The following NALCN variants were observed in gnomAD, a reference collection of about 807,000 sequenced individuals.
NALCN encodes sodium leak channel NALCN.
A neutral mutation model predicts 225.3 loss-of-function variants in NALCN; 111 were observed. That is an observed-to-expected ratio of 0.49 (90% CI 0.42 to 0.58). The LOEUF (loss-of-function observed/expected upper bound fraction) is 0.58, where lower values mean the gene tolerates loss of function less well. NALCN is among the 20% of genes least tolerant of loss of function. The pLI is 0.00. For synonymous variants in NALCN, 764 were observed against 769.0 expected, an observed-to-expected ratio of 0.99 and a Z score of 0.11; for missense variants, 1,378 against 2,202.4, an observed-to-expected ratio of 0.63 and a Z score of 7.49.
chr13:101,059,735 G>T, intron 42 of NALCN, 83 bp downstream of exon 42: 1 of 1,276,172 alleles, frequency 7.8e-7, no homozygotes, highest in Non-Finnish European at 1.1e-6. Flanking sequence ...TGAATGATCT[G>T]ACCAGCACCC....
chr13:101,093,539 G>A (rs977622854), intron 28 of NALCN, among the ~76,000 whole-genome samples: 1 of 152,152 alleles, frequency 6.6e-6, no homozygotes, highest in Non-Finnish European at 1.5e-5. Flanking sequence ...GGAATGCCTG[G>A]CTATTTGCTT....
intron 2 of NALCN, among the ~76,000 whole-genome samples, chr13:101,397,004 T>C (rs1054072637): frequency 2.0e-5 from 3 of 146,520 alleles, no homozygotes; most frequent in Non-Finnish European, 1.5e-5. Context: ...GAACAAAATA[T>C]GGAAGCAACA....
At chr13:101,226,604 T>G (rs1360709079) in intron 13 of NALCN, among the ~76,000 whole-genome samples, 1 of 152,148 alleles carries the variant, frequency 6.6e-6, no homozygotes, top group Non-Finnish European at 1.5e-5. Context: ...CTTGCCTCCC[T>G]CCAGCCTCCG....
intron 14 of NALCN, among the ~76,000 whole-genome samples, chr13:101,184,373 C>T (rs761782597): frequency 3.9e-5 from 6 of 152,088 alleles, no homozygotes; most frequent in African/African-American, 7.2e-5. Flanking sequence ...GTCTCACAGG[C>T]GTTTGATTTC....
intron 13 of NALCN, among the ~76,000 whole-genome samples, chr13:101,212,972 AG>A (rs1426082828): frequency 6.6e-6 from 1 of 152,210 alleles, no homozygotes; most frequent in Non-Finnish European, 1.5e-5. Flanking sequence ...GAACCAAAAA[AG>A]AGCCCGCATT....
chr13:101,241,180 C>T (rs2041744868), intron 11 of NALCN, among the ~76,000 whole-genome samples: 1 of 152,204 alleles, frequency 6.6e-6, no homozygotes, highest in Non-Finnish European at 1.5e-5. Flanking sequence ...TTTCTTATCT[C>T]ATCCATCAAT....
intron 7 of NALCN, among the ~76,000 whole-genome samples, chr13:101,324,351 C>T (rs1018061114): frequency 2.0e-5 from 3 of 152,086 alleles, no homozygotes; most frequent in Admixed American, 6.6e-5. Flanking sequence ...AAAAGAAACA[C>T]TAAAACTTTG....
chr13:101,078,516 G>A (rs978260010), intron 34 of NALCN, among the ~76,000 whole-genome samples: 1 of 152,202 alleles, frequency 6.6e-6, no homozygotes, highest in Non-Finnish European at 1.5e-5. Context: ...TTTAATGACT[G>A]CCCTATTGGA....
At chr13:101,305,663 G>A (rs2044130729) in intron 7 of NALCN, among the ~76,000 whole-genome samples, 2 of 152,128 alleles carry the variant, frequency 1.3e-5, no homozygotes, top group Non-Finnish European at 2.9e-5. Context: ...TTTAATTTTA[G>A]GGAGACACAG....
chr13:101,194,242 C>T (rs2039799902), intron 13 of NALCN, among the ~76,000 whole-genome samples: 1 of 151,918 alleles, frequency 6.6e-6, no homozygotes, highest in South Asian at 2.1e-4. Flanking sequence ...ATTTCAGAGT[C>T]TCGGGAGAAA....
rs79138231 is a variant in NALCN, at chr13:101,135,874, C to T, written c.2118+7206G>A. Among the ~76,000 whole-genome samples, 537 of 152,172 alleles carry T rather than the reference C, an allele frequency of 3.5e-3. 6 individuals are homozygous for T. The highest frequency in any genetic ancestry group is 0.033 in the East Asian group (169 of 5,184). ...TAAATTTCCAAGATAGATTTAGCAG[C>T]GGCCTTAACTCCTTGATACCTCTTT... On this transcript the variant is annotated intron_variant, in intron 17 of 43. Coordinates refer to ENST00000251127, the MANE Select transcript of NALCN (RefSeq NM_052867.4).
At chr13:101,207,874 C>G (rs1429561885) in intron 13 of NALCN, among the ~76,000 whole-genome samples, 1 of 152,226 alleles carries the variant, frequency 6.6e-6, no homozygotes, top group East Asian at 1.9e-4. Flanking sequence ...GCTGCTCACT[C>G]TTTGGGTCCG....
chr13:101,304,157 C>T (rs1362343776), intron 7 of NALCN, among the ~76,000 whole-genome samples: 1 of 152,114 alleles, frequency 6.6e-6, no homozygotes. Flanking sequence ...GAGGAAATAT[C>T]TAAAATGATT....
At chr13:101,128,193 C>G (rs2036333826) in intron 17 of NALCN, among the ~76,000 whole-genome samples, 1 of 152,182 alleles carries the variant, frequency 6.6e-6, no homozygotes, top group Non-Finnish European at 1.5e-5. Flanking sequence ...AGAAGATTTT[C>G]TTCGGTTTTG....
chr13:101,112,569 G>A (rs1025687363), intron 18 of NALCN, among the ~76,000 whole-genome samples: 7 of 152,158 alleles, frequency 4.6e-5, no homozygotes, highest in Non-Finnish European at 1.0e-4. Context: ...AGTGATCTTT[G>A]GGCCTAACTT....
At chr13:101,180,768 C>T (rs1204888844) in intron 14 of NALCN, 12 of 287,158 alleles carry the variant, frequency 4.2e-5, no homozygotes, top group Non-Finnish European at 6.9e-5. Context: ...TGTCAAAACA[C>T]ACCTGTGTGG....
chr13:101,119,114 C>T (rs972391343), intron 18 of NALCN, among the ~76,000 whole-genome samples: 2 of 151,944 alleles, frequency 1.3e-5, no homozygotes, highest in Non-Finnish European at 2.9e-5. Context: ...CGAATGAATG[C>T]GTGAATTCTT....
At chr13:101,143,948 G>A (rs111688404) in intron 16 of NALCN, among the ~76,000 whole-genome samples, 4 of 152,248 alleles carry the variant, frequency 2.6e-5, no homozygotes, top group African/African-American at 4.8e-5. Flanking sequence ...TTCAAGTAAC[G>A]TCTCTTCAAA....
chr13:101,332,547 T>G (rs1476866435), intron 7 of NALCN, among the ~76,000 whole-genome samples: 3 of 152,158 alleles, frequency 2.0e-5, no homozygotes, highest in Non-Finnish European at 2.9e-5. Flanking sequence ...TAATTGAAGC[T>G]AATTATCAAA....
Sources: allele counts gnomAD v4.1 joint callset (sites outside exome capture counted in the v4.1 genomes callset), GRCh38; gene constraint gnomAD v4.1.1; transcripts MANE v1.5; gene names NCBI Gene and HGNC (gene_info 2026-07-23, HGNC 2026-07-21).